The following PTPRZ1 variants were observed in gnomAD, a reference collection of about 807,000 sequenced individuals.
The protein encoded by PTPRZ1 is protein tyrosine phosphatase receptor type Z1.
In PTPRZ1, 82 loss-of-function variants were observed where a neutral mutation model predicts 214.1. That is an observed-to-expected ratio of 0.38 (90% CI 0.32 to 0.46). The LOEUF (loss-of-function observed/expected upper bound fraction) is 0.46, where lower values mean the gene tolerates loss of function less well. Among genes scored for constraint, PTPRZ1 ranks in the 20% least tolerant of loss-of-function variants. The probability of loss-of-function intolerance (pLI) is 1.00; values close to 1 mark genes in which losing one functional copy is unlikely to be tolerated. For missense variants in PTPRZ1, 2,603 were observed against 2,748.7 expected (o/e 0.95, Z 1.19); for synonymous variants, 945 against 987.9 (o/e 0.96, Z 0.81).
chr7:121,873,623 A>C (rs919753882), intron 1 of PTPRZ1, 66 bp downstream of exon 1: 1 of 1,575,658 alleles, frequency 6.3e-7, no homozygotes, highest in Non-Finnish European at 8.7e-7. Flanking sequence ...GGAGCATTTC[A>C]GCGTGTCCGC....
At chr7:121,891,278 C>A (rs2116214206) in intron 1 of PTPRZ1, among the ~76,000 whole-genome samples, 1 of 151,652 alleles carries the variant, frequency 6.6e-6, no homozygotes, top group East Asian at 1.9e-4. Context: ...TATTTTTCTC[C>A]TTAGTTCTTA....
intron 28 of PTPRZ1, chr7:122,059,414 ATATG>A (rs1792491195): frequency 5.8e-6 from 1 of 173,218 alleles, no homozygotes; most frequent in Non-Finnish European, 1.2e-5. Context: ...AGTTTGTTAT[ATATG>A]TATTTATACA....
chr7:121,970,211 T>C (rs925762876), intron 3 of PTPRZ1, among the ~76,000 whole-genome samples: 1 of 152,198 alleles, frequency 6.6e-6, no homozygotes, highest in Non-Finnish European at 1.5e-5. Flanking sequence ...TTGTTGGACA[T>C]TTGGATTGGT....
chr7:121,936,465 C>T (rs1025928899), intron 2 of PTPRZ1, among the ~76,000 whole-genome samples: 22 of 152,076 alleles, frequency 1.4e-4, no homozygotes, highest in Admixed American at 1.4e-3. Context: ...AGTTTTATTC[C>T]GAAGCCTGAC....
chr7:121,890,309 A>T (rs1461777174), intron 1 of PTPRZ1, among the ~76,000 whole-genome samples: 1 of 152,178 alleles, frequency 6.6e-6, no homozygotes, highest in Non-Finnish European at 1.5e-5. Context: ...TCAGTTGTTT[A>T]GGACAAAAAC....
chr7:121,958,507 TTTGA>T (rs1796778621), intron 2 of PTPRZ1, among the ~76,000 whole-genome samples: 1 of 152,220 alleles, frequency 6.6e-6, no homozygotes, highest in Admixed American at 6.5e-5. Flanking sequence ...GCTTGTCAAC[TTTGA>T]TTGAAGTATT....
At chr7:122,019,058 G>C (rs1225362407) in intron 12 of PTPRZ1, 66 bp from the exon 13 acceptor site, 4 of 1,461,284 alleles carry the variant, frequency 2.7e-6, no homozygotes, top group Non-Finnish European at 3.7e-6. Flanking sequence ...CAATTAATCA[G>C]TTGAAAAATG....
intron 2 of PTPRZ1, among the ~76,000 whole-genome samples, chr7:121,952,097 T>C (rs1283145638): frequency 6.6e-6 from 1 of 151,990 alleles, no homozygotes; most frequent in Non-Finnish European, 1.5e-5. Flanking sequence ...TAGCTGGGAC[T>C]ACAGGCGCCC....
intron 11 of PTPRZ1, among the ~76,000 whole-genome samples, chr7:122,009,642 G>A (rs1469527429): frequency 4.6e-5 from 7 of 151,864 alleles, no homozygotes; most frequent in Non-Finnish European, 8.8e-5. Context: ...AAGACTAGAC[G>A]TCTCCTCCTG....
intron 1 of PTPRZ1, among the ~76,000 whole-genome samples, chr7:121,875,254 C>CTATATATATATATATATATAATTTATATA (rs1421026773): frequency 2.6e-5 from 4 of 152,142 alleles, no homozygotes; most frequent in Admixed American, 1.3e-4. Flanking sequence ...CTTTCTGTCT[C>CTATATATATATATATATATAATTTATATA]TATAAATTTG....
intron 12 of PTPRZ1, among the ~76,000 whole-genome samples, chr7:122,014,461 C>T (rs780032325): frequency 4.5e-4 from 68 of 151,968 alleles, no homozygotes; most frequent in African/African-American, 1.4e-3. Flanking sequence ...AATTTTGAGA[C>T]GGAGTCTCGC....
chr7:121,950,086 A>C (rs1796505846), intron 2 of PTPRZ1, among the ~76,000 whole-genome samples: 1 of 152,220 alleles, frequency 6.6e-6, no homozygotes, highest in South Asian at 2.1e-4. Flanking sequence ...GAAGCCTCAC[A>C]ATTATGGCGG....
chr7:122,029,863 T>C (rs1477802406), intron 14 of PTPRZ1, among the ~76,000 whole-genome samples: 1 of 151,856 alleles, frequency 6.6e-6, no homozygotes, highest in Admixed American at 6.6e-5. Flanking sequence ...GTCTGTGTCT[T>C]TAAGCACCAC....
At chr7:121,945,773 A>G (rs892207795) in intron 2 of PTPRZ1, among the ~76,000 whole-genome samples, 2 of 152,206 alleles carry the variant, frequency 1.3e-5, no homozygotes, top group African/African-American at 4.8e-5. Flanking sequence ...GCCCAATGCA[A>G]GAAGGAATTC....
rs764282371 is a variant in PTPRZ1 at position 122,010,831 on chromosome 7, T to C, written c.1785T>C (p.Ala595=). The stretch of plus-strand genomic sequence containing the variant: ...CAGGCTCCAGTCCCGCAACTTCTGC[T>C]ATCCCATTCATCTCTGAGAACATAT... The part of the protein sequence containing the change: ...DSSGSSPATS[A]IPFISENISQ... The change falls in exon 12 of 30, where the codon GCT becomes GCC. Residue 595 remains alanine, a synonymous_variant. Coordinates refer to ENST00000393386, the MANE Select transcript of PTPRZ1 (RefSeq NM_002851.3). 1 of 1,614,150 alleles carries C rather than the reference T, an allele frequency of 6.2e-7. No individual in the cohort carries two copies. The highest frequency in any genetic ancestry group is 8.5e-7 in the Non-Finnish European group (1 of 1,180,006).
intron 2 of PTPRZ1, among the ~76,000 whole-genome samples, chr7:121,942,272 A>T (rs918279896): frequency 6.6e-6 from 1 of 152,214 alleles, no homozygotes; most frequent in African/African-American, 2.4e-5. Context: ...AAATCAAAGG[A>T]TTCCCCATTT....
chr7:122,031,573 A>ATGTC lies in PTPRZ1; in HGVS notation c.5166+16_5166+19dup. On this transcript the variant is annotated intron_variant, in intron 15 of 29. Coordinates refer to ENST00000393386, the MANE Select transcript of PTPRZ1 (RefSeq NM_002851.3). Reference sequence around the variant, plus strand: ...GAAGAATTTGAGGTATGATTTTAATATGTCTATTTTAAATAATATAGAAAA... The same window carrying ATGTC: ...GAAGAATTTGAGGTATGATTTTAATATGTCTGTCTATTTTAAATAATATAGAAAA... 6.5e-7 allele frequency: 1 copy of ATGTC among 1,541,322 alleles called. No individual in the cohort carries two copies. The highest frequency in any genetic ancestry group is 1.4e-5 in the African/African-American group (1 of 73,270).
intron 3 of PTPRZ1, among the ~76,000 whole-genome samples, chr7:121,969,099 G>A (rs559631088): frequency 8.5e-4 from 130 of 152,150 alleles, no homozygotes; most frequent in African/African-American, 3.0e-3. Flanking sequence ...TTAGCTGGGT[G>A]TGGTGGCACA....
At chr7:121,989,033 G>A (rs1797855824) in intron 8 of PTPRZ1, among the ~76,000 whole-genome samples, 1 of 152,088 alleles carries the variant, frequency 6.6e-6, no homozygotes, top group African/African-American at 2.4e-5. Context: ...GAAAAAAATA[G>A]CAAATAATTT....
Sources: allele counts gnomAD v4.1 joint callset (sites outside exome capture counted in the v4.1 genomes callset), GRCh38; gene constraint gnomAD v4.1.1; transcripts MANE v1.5; gene names NCBI Gene and HGNC (gene_info 2026-07-23, HGNC 2026-07-21).